Variants in CEP85L observed in about 807,000 individuals in gnomAD.
CEP85L encodes the protein centrosomal protein of 85 kDa-like.
CEP85L carries 60 observed loss-of-function variants against 100.3 expected under a neutral mutation model. The ratio of observed to expected loss-of-function variants is 0.60; its 90% CI spans 0.49 to 0.74. CEP85L has a LOEUF of 0.74. Among genes scored for constraint, CEP85L ranks in the 30% least tolerant of loss-of-function variants. CEP85L has a pLI of 0.00. For synonymous variants in CEP85L, 319 were observed against 322.7 expected (o/e 0.99, Z 0.12); for missense variants, 973 against 936.2 (o/e 1.04, Z -0.51).
intron 3 of CEP85L, among the ~76,000 whole-genome samples, chr6:118,558,501 TGTA>T (rs1471678164): frequency 6.6e-6 from 1 of 152,038 alleles, no homozygotes. Flanking sequence ...CTCCAATACT[TGTA>T]GTAAATTTGG....
intron 10 of CEP85L, among the ~76,000 whole-genome samples, chr6:118,476,708 T>C: frequency 6.6e-6 from 1 of 152,216 alleles, no homozygotes; most frequent in East Asian, 1.9e-4. Flanking sequence ...ACAGACTGTG[T>C]CACAGTTTTG....
intron 6 of CEP85L, among the ~76,000 whole-genome samples, chr6:118,489,144 G>A (rs908323693): frequency 2.0e-5 from 3 of 151,958 alleles, no homozygotes; most frequent in Non-Finnish European, 2.9e-5. Flanking sequence ...GCACGTGCCT[G>A]TAATCCCAGC....
At chr6:118,517,657 T>C (rs1776360369) in intron 4 of CEP85L, among the ~76,000 whole-genome samples, 1 of 152,248 alleles carries the variant, frequency 6.6e-6, no homozygotes, top group East Asian at 1.9e-4. Flanking sequence ...CGCAGGTTTC[T>C]AAATATACAA....
At chr6:118,632,931 G>C (rs1191402816) in intron 1 of CEP85L, among the ~76,000 whole-genome samples, 1 of 152,254 alleles carries the variant, frequency 6.6e-6, no homozygotes, top group East Asian at 1.9e-4. Context: ...CTCTGCTCTA[G>C]AATAATTGAT....
chr6:118,527,947 A>G (rs17080291), intron 3 of CEP85L, among the ~76,000 whole-genome samples: 1,955 of 152,216 alleles, frequency 0.013, 51 homozygotes, highest in African/African-American at 0.044. Context: ...TAGATTAAGG[A>G]TTTATGGTCT....
At chr6:118,625,247 G>T (rs1773708989) in intron 2 of CEP85L, among the ~76,000 whole-genome samples, 2 of 152,176 alleles carry the variant, frequency 1.3e-5, no homozygotes, top group African/African-American at 4.8e-5. Flanking sequence ...TTTCATCCGT[G>T]CTAACATAGC....
intron 3 of CEP85L, among the ~76,000 whole-genome samples, chr6:118,532,874 A>G (rs17080302): frequency 0.16 from 24,860 of 152,172 alleles, 2,187 homozygotes; most frequent in Non-Finnish European, 0.19. Context: ...AAGCAAATAC[A>G]GAATTCAAAT....
intron 1 of CEP85L, among the ~76,000 whole-genome samples, chr6:118,667,441 G>C (rs1356830295): frequency 1.3e-5 from 2 of 152,120 alleles, no homozygotes; most frequent in African/African-American, 4.8e-5. Context: ...TAATAAATGG[G>C]CATCTTAATG....
At chr6:118,625,344 G>A (rs886441532) in intron 2 of CEP85L, among the ~76,000 whole-genome samples, 3 of 152,168 alleles carry the variant, frequency 2.0e-5, no homozygotes, top group Non-Finnish European at 4.4e-5. Flanking sequence ...AACAAGAGTT[G>A]GAAAGTCTCC....
At chr6:118,632,313 T>C (rs1774217962) in intron 2 of CEP85L, 140 bp downstream of exon 2, 3 of 685,690 alleles carry the variant, frequency 4.4e-6, no homozygotes, top group South Asian at 2.9e-5. Flanking sequence ...TTTTATTTGA[T>C]ATACAGCAAC....
intron 1 of CEP85L, among the ~76,000 whole-genome samples, chr6:118,633,513 C>T (rs1188005149): frequency 2.0e-5 from 3 of 152,110 alleles, no homozygotes; most frequent in Admixed American, 2.0e-4. Context: ...TAGATTTGTC[C>T]TTTTAATTTA....
At chr6:118,702,942 G>A (rs1045871752) in intron 1 of CEP85L, among the ~76,000 whole-genome samples, 1 of 148,544 alleles carries the variant, frequency 6.7e-6, no homozygotes, top group Non-Finnish European at 1.5e-5. Flanking sequence ...CTTGCAGTGA[G>A]CCGAGATGGC....
At chr6:118,709,556 T>TGTGTGTGTGTGTGTGA (rs751698371) in intron 1 of CEP85L, among the ~76,000 whole-genome samples, 32 of 142,310 alleles carry the variant, frequency 2.2e-4, no homozygotes, top group Admixed American at 1.2e-3. Flanking sequence ...TGTGTGTGTG[T>TGTGTGTGTGTGTGTGA]GAGAGAGAGA....
At chr6:118,652,901 T>G, upstream of CEP85L, 1 of 576,418 alleles carries the variant, frequency 1.7e-6, no homozygotes, top group Non-Finnish European at 3.0e-6. Context: ...ATCTAACACT[T>G]GAAGAGGATA....
chr6:118,708,559 A>G (rs1417342170), intron 1 of CEP85L, among the ~76,000 whole-genome samples: 1 of 152,252 alleles, frequency 6.6e-6, no homozygotes, highest in Non-Finnish European at 1.5e-5. Flanking sequence ...CTTTTTAGGA[A>G]GAGAATTAAA....
chr6:118,682,702 T>A (rs1776705202), intron 1 of CEP85L, among the ~76,000 whole-genome samples: 1 of 141,840 alleles, frequency 7.1e-6, no homozygotes, highest in Admixed American at 7.1e-5. Flanking sequence ...TATTATGCCC[T>A]AAAGCTTCAA....
chr6:118,609,257 C>T lies in CEP85L; in HGVS notation c.232+23196G>A, dbSNP rs1325671367. On this transcript the variant is annotated intron_variant, in intron 2 of 12. Transcript: ENST00000368491. ...GAAAAGCAAGAATTAAAGAAGGAAA[C>T]GAAATAAAGGGAGACTTCTTTTTTT... is the stretch of plus-strand genomic sequence containing the variant. Among the ~76,000 whole-genome samples the T allele has an allele frequency of 3.3e-5, 5 of 151,926 alleles. No individual in the cohort carries two copies. In the East Asian group the frequency reaches 5.8e-4, roughly 18 times the overall value.
chr6:118,702,010 G>C (rs1361758129), intron 1 of CEP85L, among the ~76,000 whole-genome samples: 1 of 152,158 alleles, frequency 6.6e-6, no homozygotes, highest in Non-Finnish European at 1.5e-5. Flanking sequence ...AAGAATAACA[G>C]TAATATAGCA....
intron 2 of CEP85L, among the ~76,000 whole-genome samples, chr6:118,602,743 A>G (rs1306280179): frequency 6.6e-6 from 1 of 152,206 alleles, no homozygotes; most frequent in Non-Finnish European, 1.5e-5. Context: ...AAGTGCAGCA[A>G]GAATAATTAT....
Sources: gnomAD v4.1 joint callset for allele counts (sites outside exome capture counted in the v4.1 genomes callset) on GRCh38, gnomAD v4.1.1 for gene constraint, MANE v1.5 for transcripts, NCBI Gene and HGNC (gene_info 2026-07-23, HGNC 2026-07-21) for gene names.